CATSPERE: variants seen among roughly 807,000 people sequenced by gnomAD.
The protein encoded by CATSPERE is catsper channel auxiliary subunit epsilon.
A neutral mutation model predicts 114.1 loss-of-function variants in CATSPERE; 93 were observed. The ratio of observed to expected loss-of-function variants is 0.81; its 90% CI spans 0.69 to 0.97. CATSPERE has a LOEUF of 0.97. CATSPERE is among the 50% of genes least tolerant of loss of function. The pLI, the probability that CATSPERE is intolerant of heterozygous loss-of-function variation, is 0.00. For synonymous variants in CATSPERE, 341 were observed against 384.1 expected (o/e 0.89, Z 1.31); for missense variants, 1,058 against 1,131.6 (o/e 0.93, Z 0.93).
chr1:244,473,020 C>T (rs1668735847), intron 2 of CATSPERE, among the ~76,000 whole-genome samples: 1 of 152,186 alleles, frequency 6.6e-6, no homozygotes, highest in African/African-American at 2.4e-5. Context: ...TATCCATTCA[C>T]CTAGTGAAAG....
At chr1:244,535,169 C>T (rs9428621) in intron 8 of CATSPERE, among the ~76,000 whole-genome samples, 132,423 of 152,172 alleles carry the variant, frequency 0.87, 58,580 homozygotes, top group East Asian at 1. Flanking sequence ...GGTGACACAG[C>T]GCCCCTGTGG....
intron 12 of CATSPERE, 77 bp from the exon 13 acceptor site, chr1:244,583,787 G>A: frequency 7.3e-7 from 1 of 1,362,538 alleles, no homozygotes; most frequent in Non-Finnish European, 1.0e-6. Context: ...ATGGGACTTT[G>A]CACTTGCTCT....
At chr1:244,492,710 C>CA (rs1313213850) in intron 6 of CATSPERE, among the ~76,000 whole-genome samples, 2 of 150,978 alleles carry the variant, frequency 1.3e-5, no homozygotes, top group African/African-American at 4.9e-5. Flanking sequence ...CGTCTCAGCC[C>CA]AAAATCTCCT....
chr1:244,488,686 C>G (rs1019159005), intron 5 of CATSPERE, among the ~76,000 whole-genome samples: 5 of 152,196 alleles, frequency 3.3e-5, no homozygotes, highest in African/African-American at 1.2e-4. Flanking sequence ...ACGCTGGTAA[C>G]TCACTCAGTG....
At chr1:244,462,168 CCTT>C (rs1336431776) in intron 1 of CATSPERE, among the ~76,000 whole-genome samples, 1 of 152,140 alleles carries the variant, frequency 6.6e-6, no homozygotes, top group African/African-American at 2.4e-5. Flanking sequence ...CCTTGTGCAG[CCTT>C]CTTTTGCCAG....
intron 6 of CATSPERE, among the ~76,000 whole-genome samples, chr1:244,494,031 G>A (rs906999047): frequency 6.6e-6 from 1 of 152,118 alleles, no homozygotes; most frequent in Admixed American, 6.5e-5. Flanking sequence ...AACCATTGTG[G>A]AAGTCAGTGT....
At chr1:244,588,953 C>G (rs111335083) in intron 14 of CATSPERE, among the ~76,000 whole-genome samples, 1 of 152,262 alleles carries the variant, frequency 6.6e-6, no homozygotes, top group East Asian at 1.9e-4. Flanking sequence ...ATCAGAGAAG[C>G]CTCAGTTTTC....
chr1:244,541,460 C>T (rs1482814519), intron 8 of CATSPERE, among the ~76,000 whole-genome samples: 2 of 149,548 alleles, frequency 1.3e-5, no homozygotes, highest in South Asian at 4.4e-4. Flanking sequence ...CAGTGAGATA[C>T]CATCTCACAC....
At chr1:244,552,185 G>C (rs1347713319) in intron 8 of CATSPERE, 137 bp from the exon 9 acceptor site, 3 of 1,033,322 alleles carry the variant, frequency 2.9e-6, no homozygotes, top group Admixed American at 3.5e-5. Flanking sequence ...GGCAGTGGTT[G>C]CATTTTAATA....
intron 9 of CATSPERE, among the ~76,000 whole-genome samples, chr1:244,558,176 T>C (rs941931218): frequency 1.3e-5 from 2 of 150,066 alleles, no homozygotes; most frequent in South Asian, 2.1e-4. Flanking sequence ...GTTTTACTCT[T>C]GTTGCCCAGG....
intron 8 of CATSPERE, among the ~76,000 whole-genome samples, chr1:244,532,547 C>G (rs147928780): frequency 3.9e-5 from 6 of 152,072 alleles, no homozygotes; most frequent in African/African-American, 1.4e-4. Flanking sequence ...TCAAATCCTT[C>G]TTTCATCCGT....
intron 8 of CATSPERE, among the ~76,000 whole-genome samples, chr1:244,533,135 T>C (rs1396238764): frequency 6.7e-6 from 1 of 149,424 alleles, no homozygotes; most frequent in Non-Finnish European, 1.5e-5. Context: ...TTTGTGGTTT[T>C]TGTCTTGAAA....
At position 244,583,211 on chromosome 1, in the gene CATSPERE, A is replaced by AT. The variant is rs199722855; in HGVS notation, c.2010-644dup. On this transcript the variant is annotated intron_variant, in intron 12 of 21. Coordinates refer to ENST00000366534, the MANE Select transcript of CATSPERE (RefSeq NM_001130957.2). ...ACACTTTTTATGTTTGTTTGTCCTCATTTTTTTTTGACAAAAAAAACCTTA... is the reference window on the plus strand; with the variant it reads ...ACACTTTTTATGTTTGTTTGTCCTCATTTTTTTTTTGACAAAAAAAACCTTA... 8.6e-3 allele frequency among the ~76,000 whole-genome samples: 1,289 copies of AT among 150,696 alleles called. 29 individuals carry two copies. The highest frequency in any genetic ancestry group is 0.029 in the African/African-American group (1,211 of 41,086).
chr1:244,615,950 TAAA>T (rs35945015), intron 19 of CATSPERE, among the ~76,000 whole-genome samples: 4,215 of 115,758 alleles, frequency 0.036, 96 homozygotes, highest in East Asian at 0.078. Context: ...CCCCATCTCC[TAAA>T]AAAAAAAAAA....
rs190645893 is a variant in CATSPERE at position 244,463,805 on chromosome 1, G to C, written c.66-103G>C. The C allele has an allele frequency of 3.7e-4, 368 of 1,003,946 alleles. No individual in the cohort carries two copies. In the Admixed American group the frequency reaches 4.3e-3, roughly 12 times the overall value. 62.2% of individuals were successfully genotyped at this position (1,003,946 alleles called of 1,614,324 possible). ...TCAAGGAAGGGAATGAGGCAGAAAG[G>C]TGACACTCCTGGCAGCCCAGCTATG... is the stretch of plus-strand genomic sequence containing the variant. On this transcript the variant is annotated intron_variant, in intron 1 of 21. Coordinates refer to ENST00000366534, the MANE Select transcript of CATSPERE (RefSeq NM_001130957.2).
intron 6 of CATSPERE, among the ~76,000 whole-genome samples, chr1:244,495,031 C>T (rs1166230051): frequency 6.6e-6 from 1 of 152,090 alleles, no homozygotes; most frequent in East Asian, 1.9e-4. Flanking sequence ...TCAAATAATG[C>T]AGAATAACCT....
intron 8 of CATSPERE, among the ~76,000 whole-genome samples, chr1:244,546,763 C>G (rs936281869): frequency 2.0e-5 from 3 of 151,564 alleles, no homozygotes; most frequent in African/African-American, 7.3e-5. Flanking sequence ...AACCTGAAGA[C>G]AGATTACTTG....
chr1:244,547,394 G>C (rs1659922729), intron 8 of CATSPERE, among the ~76,000 whole-genome samples: 1 of 152,096 alleles, frequency 6.6e-6, no homozygotes, highest in Admixed American at 6.6e-5. Context: ...TATAAAACCA[G>C]TGGCAAAAAT....
chr1:244,568,456 C>G lies in CATSPERE; in HGVS notation c.1508-3874C>G, dbSNP rs916165806. The stretch of plus-strand genomic sequence containing the variant: ...GCTGCGCCCAGGGCCACCCCTTTCC[C>G]CAGGTGCTCTGTCCCAGGGAGATGA... On this transcript the variant is annotated intron_variant, in intron 10 of 21. Transcript: ENST00000366534. This position sits in a 1 kb window ranked among gnomAD's most constrained non-coding sequence, Gnocchi z 4.4. 6.6e-6 allele frequency among the ~76,000 whole-genome samples: 1 copy of G among 152,234 alleles called. No individual in the cohort carries two copies. The highest frequency in any genetic ancestry group is 2.4e-5 in the African/African-American group (1 of 41,462).
Sources: allele counts gnomAD v4.1 joint callset (sites outside exome capture counted in the v4.1 genomes callset), GRCh38; gene constraint gnomAD v4.1.1; non-coding constraint Gnocchi (gnomAD v3.1); transcripts MANE v1.5; gene names NCBI Gene and HGNC (gene_info 2026-07-23, HGNC 2026-07-21).